The following SLC25A21 variants were observed in gnomAD, a reference collection of about 807,000 sequenced individuals.
SLC25A21 encodes the protein mitochondrial 2-oxodicarboxylate carrier.
In SLC25A21, 47 loss-of-function variants were observed where a neutral mutation model predicts 43.8. The ratio of observed to expected loss-of-function variants is 1.07; its 90% confidence interval spans 0.85 to 1.37. The LOEUF is 1.37. Among genes scored for constraint, SLC25A21 ranks in the 40% most tolerant of loss-of-function variants. SLC25A21 has a pLI of 0.00. For missense variants in SLC25A21, 352 were observed against 350.2 expected, an observed-to-expected ratio of 1.00 and a Z score of -0.04; for synonymous variants, 131 against 121.3, an observed-to-expected ratio of 1.08 and a Z score of -0.52.
chr14:37,061,485 C>A (rs1354940963), intron 1 of SLC25A21, among the ~76,000 whole-genome samples: 2 of 147,878 alleles, frequency 1.4e-5, no homozygotes, highest in Non-Finnish European at 1.5e-5. Flanking sequence ...TTCCCTGGCT[C>A]TCTATTAGTT....
chr14:36,941,593 T>C (rs879625947), intron 1 of SLC25A21, among the ~76,000 whole-genome samples: 4 of 151,962 alleles, frequency 2.6e-5, no homozygotes, highest in Non-Finnish European at 5.9e-5. Flanking sequence ...TATTTAATTA[T>C]GGCATGGAAT....
At chr14:37,130,371 A>C (rs1272834278) in intron 1 of SLC25A21, among the ~76,000 whole-genome samples, 2 of 152,244 alleles carry the variant, frequency 1.3e-5, no homozygotes, top group East Asian at 3.8e-4. Context: ...AATGAAACTA[A>C]GTCTTGCTAT....
At chr14:36,930,163 G>A (rs1001365179) in intron 1 of SLC25A21, among the ~76,000 whole-genome samples, 3 of 152,130 alleles carry the variant, frequency 2.0e-5, no homozygotes, top group Non-Finnish European at 4.4e-5. Context: ...AATTCCAAGT[G>A]AGAACTGCCT....
intron 6 of SLC25A21, among the ~76,000 whole-genome samples, chr14:36,713,851 G>T (rs1174772944): frequency 6.6e-6 from 1 of 151,992 alleles, no homozygotes; most frequent in Non-Finnish European, 1.5e-5. Context: ...AGGTGCTGTG[G>T]CAAGCCTGTG....
At chr14:36,997,261 C>A (rs1960391197) in intron 1 of SLC25A21, among the ~76,000 whole-genome samples, 1 of 152,044 alleles carries the variant, frequency 6.6e-6, no homozygotes, top group Admixed American at 6.6e-5. Flanking sequence ...CTGCTATATG[C>A]CAGGCACTGA....
At chr14:36,776,234 C>CT (rs1397904925) in intron 3 of SLC25A21, among the ~76,000 whole-genome samples, 4 of 75,762 alleles carry the variant, frequency 5.3e-5, no homozygotes, top group African/African-American at 2.3e-4. Flanking sequence ...TTCTTTCTTT[C>CT]TTTCTTTTTT....
intron 1 of SLC25A21, among the ~76,000 whole-genome samples, chr14:37,113,014 G>C (rs1227870013): frequency 6.6e-6 from 1 of 152,082 alleles, no homozygotes; most frequent in Non-Finnish European, 1.5e-5. Flanking sequence ...AAGTGCCTCT[G>C]CCTCTATTAC....
intron 7 of SLC25A21, among the ~76,000 whole-genome samples, chr14:36,691,123 A>C (rs185737460): frequency 2.6e-5 from 4 of 152,292 alleles, no homozygotes; most frequent in African/African-American, 9.6e-5. Context: ...AAGAGAGCTA[A>C]AGTTCTATTA....
chr14:37,063,085 C>G (rs1202080451), intron 1 of SLC25A21, among the ~76,000 whole-genome samples: 1 of 152,118 alleles, frequency 6.6e-6, no homozygotes, highest in East Asian at 1.9e-4. Context: ...ATAAAACCAT[C>G]GTATCTCATG....
chr14:36,723,280 T>G (rs948230275), intron 6 of SLC25A21, among the ~76,000 whole-genome samples: 1 of 152,214 alleles, frequency 6.6e-6, no homozygotes, highest in Non-Finnish European at 1.5e-5. Context: ...TGGCTTCAAT[T>G]TGATGAACAT....
intron 1 of SLC25A21, among the ~76,000 whole-genome samples, chr14:37,053,684 A>G (rs1961758774): frequency 6.6e-6 from 1 of 152,210 alleles, no homozygotes; most frequent in African/African-American, 2.4e-5. Flanking sequence ...TGTGCAAGAT[A>G]AAACCTGAAA....
intron 2 of SLC25A21, among the ~76,000 whole-genome samples, chr14:36,859,385 C>T (rs571489024): frequency 5.1e-4 from 77 of 152,286 alleles, no homozygotes; most frequent in African/African-American, 1.9e-3. Context: ...ATTGTGTGCA[C>T]TAAAAACATT....
intron 1 of SLC25A21, among the ~76,000 whole-genome samples, chr14:37,015,560 A>C (rs144394601): frequency 0.07 from 10,581 of 151,720 alleles, 986 homozygotes; most frequent in East Asian, 0.25. Flanking sequence ...TATACCCAGT[A>C]ATGGGATGGC....
At chr14:36,886,709 G>A (rs889773787) in intron 1 of SLC25A21, among the ~76,000 whole-genome samples, 3 of 152,080 alleles carry the variant, frequency 2.0e-5, no homozygotes, top group African/African-American at 7.2e-5. Context: ...AAGATAGGCT[G>A]AAAATTATTA....
At chr14:36,952,065 C>A (rs1015784814) in intron 1 of SLC25A21, among the ~76,000 whole-genome samples, 1 of 151,964 alleles carries the variant, frequency 6.6e-6, no homozygotes, top group African/African-American at 2.4e-5. Context: ...GAAACCCCAT[C>A]TCTACTAAAA....
At chr14:36,843,452 AC>A (rs1393875064) in intron 2 of SLC25A21, among the ~76,000 whole-genome samples, 1 of 152,154 alleles carries the variant, frequency 6.6e-6, no homozygotes, top group African/African-American at 2.4e-5. Context: ...TGTTATTAAA[AC>A]AGTCCTACAA....
At chr14:36,883,172 G>A (rs74990514) in intron 1 of SLC25A21, among the ~76,000 whole-genome samples, 140 of 152,100 alleles carry the variant, frequency 9.2e-4, no homozygotes, top group African/African-American at 3.2e-3. Flanking sequence ...ATATTCAGAC[G>A]AAAGCTACCT....
intron 2 of SLC25A21, among the ~76,000 whole-genome samples, chr14:36,866,267 C>T (rs1454625929): frequency 1.3e-5 from 2 of 152,152 alleles, no homozygotes; most frequent in Non-Finnish European, 2.9e-5. Context: ...CACTGCTGTA[C>T]CTTTGGGGCA....
chr14:36,915,094 T>C (rs1241668621), intron 1 of SLC25A21, among the ~76,000 whole-genome samples: 1 of 152,016 alleles, frequency 6.6e-6, no homozygotes, highest in East Asian at 1.9e-4. Context: ...TACTATCAAA[T>C]ATGTAGGGGT....
Sources: allele counts gnomAD v4.1 joint callset (sites outside exome capture counted in the v4.1 genomes callset), GRCh38; gene constraint gnomAD v4.1.1; transcripts MANE v1.5; gene names NCBI Gene and HGNC (gene_info 2026-07-23, HGNC 2026-07-21).